Variants in AKAP6 observed in about 807,000 individuals in gnomAD.
AKAP6 encodes the protein A-kinase anchor protein 6.
A neutral mutation model predicts 188.5 loss-of-function variants in AKAP6; 58 were observed. The observed-to-expected ratio is 0.31, with a 90% CI of 0.25 to 0.38. The LOEUF (loss-of-function observed/expected upper bound fraction) is 0.38, where lower values mean the gene tolerates loss of function less well. Among genes scored for constraint, AKAP6 ranks in the 10% least tolerant of loss-of-function variants. The pLI is 1.00. For missense variants in AKAP6, 2,710 were observed against 2,740.0 expected, an observed-to-expected ratio of 0.99 and a Z score of 0.24; for synonymous variants, 989 against 998.6, an observed-to-expected ratio of 0.99 and a Z score of 0.18.
chr14:32,555,591 A>T (rs1447506836), intron 4 of AKAP6, among the ~76,000 whole-genome samples: 3 of 151,968 alleles, frequency 2.0e-5, no homozygotes, highest in Non-Finnish European at 4.4e-5. Context: ...TTAAATAACA[A>T]CTCCCCTTTC....
intron 12 of AKAP6, among the ~76,000 whole-genome samples, chr14:32,775,095 A>G (rs2033014604): frequency 6.6e-6 from 1 of 152,196 alleles, no homozygotes. Context: ...CCAAGTTATT[A>G]CTAGTAATCA....
At chr14:32,774,771 T>C (rs1322522951) in intron 12 of AKAP6, among the ~76,000 whole-genome samples, 1 of 151,232 alleles carries the variant, frequency 6.6e-6, no homozygotes, top group Non-Finnish European at 1.5e-5. Flanking sequence ...CATACATACA[T>C]ACATAGAATG....
Position 32,389,318 on chromosome 14 carries a change from G to T in AKAP6, c.-34-44142G>T, listed in dbSNP as rs183341575. On this transcript the variant is annotated intron_variant, in intron 1 of 13. Coordinates refer to ENST00000280979, the MANE Select transcript of AKAP6 (RefSeq NM_004274.5). Reference sequence around the variant, plus strand: ...ATCTGCAAGTCTGTATCTTTTAAGTGGAGCATTTAGGCCATTTACATTCAA... The same window carrying T: ...ATCTGCAAGTCTGTATCTTTTAAGTTGAGCATTTAGGCCATTTACATTCAA... 1.1e-3 allele frequency among the ~76,000 whole-genome samples: 162 copies of T among 152,198 alleles called. 1 individual carries two copies. The highest frequency in any genetic ancestry group is 3.8e-3 in the African/African-American group (156 of 41,542).
intron 2 of AKAP6, among the ~76,000 whole-genome samples, chr14:32,436,138 G>A (rs916924683): frequency 3.9e-5 from 6 of 152,136 alleles, no homozygotes; most frequent in African/African-American, 1.4e-4. Context: ...CTGTGATGGG[G>A]CATCTTAACT....
rs74712664 is a variant in AKAP6, at chr14:32,823,149, T to A, written c.5336T>A (p.Ile1779Asn). Residue 1779 changes from isoleucine to asparagine, a missense_variant, in exon 13 of 14, where the codon ATT becomes AAT. Physicochemically the swap from Ile to Asn is moderately radical, Grantham distance 149. Transcript: ENST00000280979. ...CIKDEDDDSS[I>N]ATDDEIYEDC... ...AAAGATGAGGATGACGACTCCAGTA[T>A]TGCAACAGATGATGAAATTTATGAA... The A allele has an allele frequency of 7.4e-6, 12 of 1,613,636 alleles. No homozygotes were observed. The East Asian group carries it at 2.7e-4, about 36-fold the overall frequency.
At chr14:32,733,942 AAAT>A (rs2031300600) in intron 10 of AKAP6, 1 of 152,166 alleles carries the variant, frequency 6.6e-6, no homozygotes, top group African/African-American at 2.4e-5. Context: ...GTAATTTGAT[AAAT>A]AACAATAATA....
rs1259510126 is a variant in AKAP6, at chr14:32,812,162, A to C, written c.3589-9240A>C. On this transcript the variant is annotated intron_variant, in intron 12 of 13. Coordinates refer to ENST00000280979, the MANE Select transcript of AKAP6 (RefSeq NM_004274.5). ...AATGGGGCCAGATATTATCATTGGG[A>C]GAAAAGAATGTATGCAACTTTGCAT... is the stretch of plus-strand genomic sequence containing the variant. Among the ~76,000 whole-genome samples the C allele has an allele frequency of 2.0e-5, 3 of 152,194 alleles. No individual in the cohort carries two copies. The East Asian group carries it at 5.8e-4, about 29-fold the overall frequency.
intron 12 of AKAP6, among the ~76,000 whole-genome samples, chr14:32,779,962 T>C (rs780695847): frequency 1.4e-4 from 21 of 151,758 alleles, no homozygotes; most frequent in Non-Finnish European, 2.6e-4. Flanking sequence ...TGGAGGTTCC[T>C]AAAGAAAGTG....
At chr14:32,563,989 G>C (rs1037032230) in intron 4 of AKAP6, among the ~76,000 whole-genome samples, 1 of 152,162 alleles carries the variant, frequency 6.6e-6, no homozygotes, top group Non-Finnish European at 1.5e-5. Flanking sequence ...TGGGGGATTC[G>C]TTCCAAGACC....
intron 4 of AKAP6, among the ~76,000 whole-genome samples, chr14:32,574,730 C>T (rs142384573): frequency 6.6e-6 from 1 of 152,128 alleles, no homozygotes; most frequent in African/African-American, 2.4e-5. Context: ...ATTCTAAATA[C>T]AATAGTAAAA....
At chr14:32,533,515 A>C (rs1882525795) in intron 2 of AKAP6, among the ~76,000 whole-genome samples, 1 of 152,178 alleles carries the variant, frequency 6.6e-6, no homozygotes, top group Non-Finnish European at 1.5e-5. Flanking sequence ...TCCAGGTAGT[A>C]GATGGATTCT....
intron 1 of AKAP6, among the ~76,000 whole-genome samples, chr14:32,384,062 G>A (rs1594563184): frequency 6.6e-6 from 1 of 152,158 alleles, no homozygotes; most frequent in African/African-American, 2.4e-5. Context: ...GTAATGTGAT[G>A]TACAGTGCTG....
At chr14:32,335,258 A>G (rs2891196) in intron 1 of AKAP6, among the ~76,000 whole-genome samples, 1 of 152,186 alleles carries the variant, frequency 6.6e-6, no homozygotes, top group Non-Finnish European at 1.5e-5. Flanking sequence ...AGAAGGGCCC[A>G]CACTTAGTTT....
rs1262881781 is a variant in AKAP6, at chr14:32,629,692, T to G, written c.2730+28900T>G. On this transcript the variant is annotated intron_variant, in intron 7 of 13. Transcript: ENST00000280979. ...GCATATAAGCATTTTTTTTTTTTTT[T>G]TGGTCAGGAAGCCAGAAGAACTAGA... Among the ~76,000 whole-genome samples the G allele has an allele frequency of 2.6e-5, 4 of 151,104 alleles. No individual in the cohort carries two copies. The East Asian group carries it at 7.8e-4, about 29-fold the overall frequency.
At chr14:32,577,338 G>A (rs191016483) in intron 5 of AKAP6, 96 bp downstream of exon 5, 4 of 1,516,396 alleles carry the variant, frequency 2.6e-6, no homozygotes, top group East Asian at 4.8e-5. Context: ...TTTATCAAAG[G>A]TTACTATATG....
Position 32,545,895 on chromosome 14 carries a change from G to A in AKAP6, c.1242G>A (p.Met414Ile). ...AAGGCAATGGTGGAAAGAGGCAAAT[G>A]GTTGATCTAAAGCCTGAGATGAGCA... ...DLKGNGGKRQ[M>I]VDLKPEMSRS... Residue 414 changes from methionine (M) to isoleucine (I), a missense_variant, in exon 4 of 14, where the codon ATG becomes ATA. Met to Ile is a conservative substitution (Grantham distance 10). Around this residue, in one of 2 missense-constraint regions of AKAP6, gnomAD observed 2,473 missense variants for 2,426.1 expected, o/e 1.02. Transcript: ENST00000280979. 1 of 1,614,162 alleles carries A rather than the reference G, an allele frequency of 6.2e-7. No individual in the cohort carries two copies. Among genetic ancestry groups the A allele is most frequent in the South Asian group, 1.1e-5 (1 of 91,076 alleles).
rs377693074 is a variant in AKAP6, at chr14:32,800,061, C to CTCTATATATATA, written c.3589-21340_3589-21339insCTATATATATAT. On this transcript the variant is annotated intron_variant, in intron 12 of 13. Transcript: ENST00000280979. ...CCTGTCTCTCTCTCTCTCTCTCTCT[C>CTCTATATATATA]TATATATATAGAAATATATATATAT... 4.4e-3 allele frequency among the ~76,000 whole-genome samples: 603 copies of CTCTATATATATA among 136,928 alleles called. 4 individuals are homozygous for CTCTATATATATA. The highest frequency in any genetic ancestry group is 6.9e-3 in the Non-Finnish European group (440 of 63,966). The allele number at this position is 136,928 out of a possible 152,430, so 89.8% of individuals were successfully genotyped here.
At chr14:32,441,880 G>T (rs1250359510) in intron 2 of AKAP6, among the ~76,000 whole-genome samples, 1 of 152,142 alleles carries the variant, frequency 6.6e-6, no homozygotes, top group East Asian at 1.9e-4. Flanking sequence ...TTTCATAAAA[G>T]GATTTTGAGA....
intron 7 of AKAP6, among the ~76,000 whole-genome samples, chr14:32,652,188 C>T (rs1373937305): frequency 1.3e-5 from 2 of 152,110 alleles, no homozygotes; most frequent in African/African-American, 4.8e-5. Context: ...ACTTTCTTTT[C>T]TCCCATCTTT....
Sources: gnomAD v4.1 joint callset for allele counts (sites outside exome capture counted in the v4.1 genomes callset) on GRCh38, gnomAD v4.1.1 for gene constraint, gnomAD v4.1.1 regional missense constraint, MANE v1.5 for transcripts, NCBI Gene and HGNC (gene_info 2026-07-23, HGNC 2026-07-21) for gene names.